RNF2: variants seen among roughly 807,000 people sequenced by gnomAD.
RNF2 encodes ring finger protein 2, also known as E3 ubiquitin-protein ligase RING2.
A neutral mutation model predicts 37.2 loss-of-function variants in RNF2; 6 were observed. The ratio of observed to expected loss-of-function variants is 0.16; its 90% CI spans 0.09 to 0.32. The LOEUF (loss-of-function observed/expected upper bound fraction) is 0.32, where lower values mean the gene tolerates loss of function less well. RNF2 is among the 10% of genes least tolerant of loss of function. RNF2 has a pLI of 1.00. For missense variants in RNF2, 251 were observed against 404.0 expected (o/e 0.62, Z 3.25); for synonymous variants, 133 against 132.7 (o/e 1.00, Z -0.02).
At chr1:185,077,442 T>G (rs10911674) in intron 1 of RNF2, among the ~76,000 whole-genome samples, 22,178 of 152,048 alleles carry the variant, frequency 0.15, 1,832 homozygotes, top group East Asian at 0.26. Context: ...TTGATTGTTT[T>G]GGGACTTCCG....
chr1:185,078,522 T>C (rs992753685), intron 1 of RNF2, among the ~76,000 whole-genome samples: 7 of 152,202 alleles, frequency 4.6e-5, no homozygotes, highest in Admixed American at 3.3e-4. Flanking sequence ...GTCCCTAGTT[T>C]AACTCATAAA....
intron 1 of RNF2, 125 bp from the exon 2 acceptor site, chr1:185,087,427 A>G: frequency 1.4e-6 from 1 of 738,992 alleles, no homozygotes. Context: ...CAAAGTCCCC[A>G]CCTCTTAATA....
intron 1 of RNF2, among the ~76,000 whole-genome samples, chr1:185,075,291 G>A (rs190328554): frequency 7.0e-4 from 106 of 152,236 alleles, no homozygotes; most frequent in Non-Finnish European, 3.1e-4. Context: ...ACTGTATTGT[G>A]TATTTCTTAC....
At chr1:185,056,692 ATTG>A (rs2102156091) in intron 1 of RNF2, among the ~76,000 whole-genome samples, 1 of 134,540 alleles carries the variant, frequency 7.4e-6, no homozygotes, top group Non-Finnish European at 1.7e-5. Context: ...TCTTAAATGG[ATTG>A]TTTTTATTTT....
intron 1 of RNF2, among the ~76,000 whole-genome samples, chr1:185,050,469 A>G (rs1409130363): frequency 6.6e-6 from 1 of 152,178 alleles, no homozygotes; most frequent in Non-Finnish European, 1.5e-5. Flanking sequence ...AGATGTCTCA[A>G]TTTCGTCACA....
chr1:185,090,141 C>A (rs558397623), intron 2 of RNF2, among the ~76,000 whole-genome samples: 1 of 152,138 alleles, frequency 6.6e-6, no homozygotes, highest in Admixed American at 6.5e-5. Flanking sequence ...AGGCTGGTCT[C>A]GAACTTCTGA....
chr1:185,076,265 G>GTGGTTTTTTTTTTTTT (rs1553240992), intron 1 of RNF2, among the ~76,000 whole-genome samples: 1 of 39,540 alleles, frequency 2.5e-5, no homozygotes, highest in Non-Finnish European at 5.8e-5. Flanking sequence ...TCTTTTATGG[G>GTGGTTTTTTTTTTTTT]TTGTTTTTTT....
chr1:185,098,347 A>G lies in RNF2; in HGVS notation c.737+3A>G. 1 of 1,612,146 alleles carries G rather than the reference A, an allele frequency of 6.2e-7. No individual in the cohort carries two copies. Among genetic ancestry groups the G allele is most frequent in the Non-Finnish European group, 8.5e-7 (1 of 1,178,450 alleles). ...AAAGATGACAGTGCACAGACGAGGT[A>G]AGTGTGTGGATTAGTTTCAGATTAT... On this transcript the variant is annotated splice_donor_region_variant and intron_variant, in intron 5 of 6. Transcript: ENST00000367510.
chr1:185,048,403 T>TAC (rs1354883374), intron 1 of RNF2, among the ~76,000 whole-genome samples: 3 of 152,376 alleles, frequency 2.0e-5, no homozygotes, highest in African/African-American at 7.2e-5. Flanking sequence ...AGGAGCTATA[T>TAC]ACATTACTAA....
intron 2 of RNF2, among the ~76,000 whole-genome samples, chr1:185,088,231 C>T (rs1229106971): frequency 2.0e-5 from 3 of 152,054 alleles, no homozygotes; most frequent in Non-Finnish European, 2.9e-5. Flanking sequence ...TAACTTCATC[C>T]AGAGCTGTTT....
intron 1 of RNF2, among the ~76,000 whole-genome samples, chr1:185,079,024 T>C (rs1651260285): frequency 6.6e-6 from 1 of 151,698 alleles, no homozygotes; most frequent in East Asian, 1.9e-4. Flanking sequence ...ATTGATATTT[T>C]CCCTTTGATT....
At chr1:185,069,171 T>C (rs1650890741) in intron 1 of RNF2, among the ~76,000 whole-genome samples, 1 of 152,172 alleles carries the variant, frequency 6.6e-6, no homozygotes, top group Admixed American at 6.5e-5. Flanking sequence ...AATATACATT[T>C]GGCTGGGTGA....
intron 1 of RNF2, among the ~76,000 whole-genome samples, chr1:185,065,425 T>C (rs1008744087): frequency 1.3e-5 from 2 of 152,216 alleles, no homozygotes; most frequent in Admixed American, 1.3e-4. Flanking sequence ...TTTGTTGTTT[T>C]GCTCCTCACA....
chr1:185,053,219 C>T (rs1650320109), intron 1 of RNF2, among the ~76,000 whole-genome samples: 1 of 152,044 alleles, frequency 6.6e-6, no homozygotes, highest in Non-Finnish European at 1.5e-5. Flanking sequence ...TAAAAAAATC[C>T]CCTTCATAGT....
At chr1:185,090,252 G>A (rs1274975065) in intron 2 of RNF2, among the ~76,000 whole-genome samples, 1 of 152,128 alleles carries the variant, frequency 6.6e-6, no homozygotes, top group Non-Finnish European at 1.5e-5. Flanking sequence ...ACACCAAGGT[G>A]GTTTTCCCTT....
chr1:185,085,209 C>T lies in RNF2; in HGVS notation c.-2-2343C>T, dbSNP rs997243631. Reference sequence around the variant, plus strand: ...TGTCACCCAGGCTGGAGTGCAGTGGCGTGATCTTAGCTCACTGCAAGCTCC... The same window carrying T: ...TGTCACCCAGGCTGGAGTGCAGTGGTGTGATCTTAGCTCACTGCAAGCTCC... On this transcript the variant is annotated intron_variant, in intron 1 of 6. Coordinates refer to ENST00000367510, the MANE Select transcript of RNF2 (RefSeq NM_007212.4). Among the ~76,000 whole-genome samples, 6 of 129,440 alleles carry T rather than the reference C, an allele frequency of 4.6e-5. No individual in the cohort carries two copies. In the East Asian group the frequency reaches 1.1e-3, roughly 24 times the overall value. 84.9% of individuals were successfully genotyped at this position (129,440 alleles called of 152,430 possible). A position where few individuals can be genotyped will look rare whatever the true frequency, so the allele number is the denominator to read the frequency against.
intron 5 of RNF2, among the ~76,000 whole-genome samples, chr1:185,098,757 CT>C (rs111908854): frequency 1.2e-3 from 171 of 146,394 alleles, no homozygotes; most frequent in Non-Finnish European, 1.4e-3. Context: ...CTCAAATTAA[CT>C]TTTTTTTTTT....
In RNF2 at chr1:185,087,462, A is replaced by G. The variant is rs1212871725; in HGVS notation, c.-2-90A>G. 1.7e-5 allele frequency: 18 copies of G among 1,051,472 alleles called. No homozygotes were observed. The Middle Eastern group carries it at 6.1e-4, about 35-fold the overall frequency. The allele number at this position is 1,051,472 out of a possible 1,614,324, so 65.1% of individuals were successfully genotyped here. A position where few individuals can be genotyped will look rare whatever the true frequency, so the allele number is the denominator to read the frequency against. ...ATTACTTCATTGAGATTAGATTTCAACGTAGGAATTTTGGTGGGACACATA... is the reference window on the plus strand; with the variant it reads ...ATTACTTCATTGAGATTAGATTTCAGCGTAGGAATTTTGGTGGGACACATA... On this transcript the variant is annotated intron_variant, in intron 1 of 6. Coordinates refer to ENST00000367510, the MANE Select transcript of RNF2 (RefSeq NM_007212.4).
At chr1:185,079,576 T>C (rs767532566) in intron 1 of RNF2, among the ~76,000 whole-genome samples, 1 of 152,204 alleles carries the variant, frequency 6.6e-6, no homozygotes, top group Non-Finnish European at 1.5e-5. Flanking sequence ...TCTCCTCTCA[T>C]TGGAACAGTC....
Sources: gnomAD v4.1 joint callset for allele counts (sites outside exome capture counted in the v4.1 genomes callset) on GRCh38, gnomAD v4.1.1 for gene constraint, MANE v1.5 for transcripts, NCBI Gene and HGNC (gene_info 2026-07-23, HGNC 2026-07-21) for gene names.